The following RBFOX1 variants were observed in gnomAD, a reference collection of about 807,000 sequenced individuals.
The protein encoded by RBFOX1 is RNA binding fox-1 homolog 1, also known as RNA binding protein fox-1 homolog 1.
Under a neutral mutation model 57.7 loss-of-function variants are expected in RBFOX1, and 8 were observed. The observed-to-expected ratio is 0.14, with a 90% CI of 0.08 to 0.25. The LOEUF (loss-of-function observed/expected upper bound fraction) is 0.25, where lower values mean the gene tolerates loss of function less well. RBFOX1 is among the 10% of genes least tolerant of loss of function. The probability of loss-of-function intolerance (pLI) is 1.00; values close to 1 mark genes in which losing one functional copy is unlikely to be tolerated. For synonymous variants in RBFOX1, 326 were observed against 222.4 expected, an observed-to-expected ratio of 1.47 and a Z score of -4.15; for missense variants, 611 against 548.5, an observed-to-expected ratio of 1.11 and a Z score of -1.14.
chr16:6,668,369 G>T (rs543261397), intron 3 of RBFOX1, among the ~76,000 whole-genome samples: 7 of 152,350 alleles, frequency 4.6e-5, no homozygotes, highest in Non-Finnish European at 1.0e-4. Flanking sequence ...AGTTGTTTCT[G>T]TCACAGAATC....
chr16:7,118,786 G>C (rs574075646), intron 4 of RBFOX1, among the ~76,000 whole-genome samples: 101 of 152,188 alleles, frequency 6.6e-4, no homozygotes, highest in Non-Finnish European at 1.2e-3. Flanking sequence ...GTACACATAA[G>C]GACAGAATAG....
intron 1 of RBFOX1, among the ~76,000 whole-genome samples, chr16:5,302,498 T>A (rs2063830146): frequency 6.6e-6 from 1 of 152,220 alleles, no homozygotes. Flanking sequence ...CTACTAATTT[T>A]TTCTGGTTGC....
intron 2 of RBFOX1, among the ~76,000 whole-genome samples, chr16:6,367,853 C>G (rs2032271850): frequency 1.3e-5 from 2 of 152,168 alleles, no homozygotes; most frequent in African/African-American, 4.8e-5. Context: ...CTATCTTCCC[C>G]CAGTTAATGG....
intron 1 of RBFOX1, among the ~76,000 whole-genome samples, chr16:6,028,255 AGGAG>A (rs1223574366): frequency 6.6e-6 from 1 of 152,130 alleles, no homozygotes; most frequent in Non-Finnish European, 1.5e-5. Context: ...GGCTGATAAG[AGGAG>A]GGAGGGAGTG....
chr16:6,598,230 C>A (rs6500804), intron 2 of RBFOX1, among the ~76,000 whole-genome samples: 1 of 152,030 alleles, frequency 6.6e-6, no homozygotes, highest in South Asian at 2.1e-4. Context: ...TATATAGTTT[C>A]TAACTTGCCT....
At chr16:6,470,007 T>A (rs1386403479) in intron 2 of RBFOX1, among the ~76,000 whole-genome samples, 1 of 152,216 alleles carries the variant, frequency 6.6e-6, no homozygotes, top group East Asian at 1.9e-4. Flanking sequence ...TAATCCAGTG[T>A]CCTATTCAAA....
intron 2 of RBFOX1, among the ~76,000 whole-genome samples, chr16:5,561,645 G>T (rs1353897932): frequency 1.3e-5 from 2 of 152,058 alleles, no homozygotes; most frequent in Non-Finnish European, 1.5e-5. Context: ...TTTATATGAT[G>T]ATTATTATTA....
intron 3 of RBFOX1, among the ~76,000 whole-genome samples, chr16:5,647,727 G>A (rs2049099168): frequency 6.6e-6 from 1 of 152,202 alleles, no homozygotes; most frequent in Admixed American, 6.5e-5. Flanking sequence ...CAGGTTCAAG[G>A]CTGCATTCTT....
intron 4 of RBFOX1, among the ~76,000 whole-genome samples, chr16:7,299,719 A>C (rs2095985211): frequency 6.6e-6 from 1 of 152,216 alleles, no homozygotes; most frequent in African/African-American, 2.4e-5. Context: ...GAGACATTCT[A>C]GAGGCCAACA....
intron 4 of RBFOX1, among the ~76,000 whole-genome samples, chr16:7,338,892 C>T (rs1011058129): frequency 6.6e-6 from 1 of 152,156 alleles, no homozygotes; most frequent in Non-Finnish European, 1.5e-5. Flanking sequence ...GCGATTTTAT[C>T]TCCATGTTTG....
At chr16:5,983,766 C>T (rs990306448) in intron 4 of RBFOX1, among the ~76,000 whole-genome samples, 2 of 152,058 alleles carry the variant, frequency 1.3e-5, no homozygotes, top group African/African-American at 4.8e-5. Context: ...CATGAGTATT[C>T]TGAACAGTGA....
chr16:5,712,354 A>T lies in RBFOX1; in HGVS notation c.318+113393A>T, dbSNP rs537990420. 2.6e-5 allele frequency among the ~76,000 whole-genome samples: 4 copies of T among 152,334 alleles called. No individual in the cohort carries two copies. In the South Asian group the frequency reaches 8.3e-4, roughly 32 times the overall value. ...GGAGATTAGAAATATTATATTTATTATGTAGACAAGTGCTCTAAGGCTTAG... is the reference window on the plus strand; with the variant it reads ...GGAGATTAGAAATATTATATTTATTTTGTAGACAAGTGCTCTAAGGCTTAG... On this transcript the variant is annotated intron_variant, in intron 3 of 19. Transcript: ENST00000641259.
intron 11 of RBFOX1, among the ~76,000 whole-genome samples, chr16:7,633,887 C>A (rs540028527): frequency 1.3e-5 from 2 of 152,144 alleles, no homozygotes; most frequent in Non-Finnish European, 2.9e-5. Flanking sequence ...TGGCAACATT[C>A]ACTTAGGTTT....
At chr16:7,279,128 T>A (rs963608540) in intron 4 of RBFOX1, among the ~76,000 whole-genome samples, 2 of 149,044 alleles carry the variant, frequency 1.3e-5, no homozygotes, top group Non-Finnish European at 3.0e-5. Flanking sequence ...TTCCTTTTCT[T>A]TCTTTCTTTT....
chr16:5,989,880 A>ACACACACACACACACACACACCCC lies in RBFOX1; in HGVS notation c.351+122546_351+122547insACACACACACACACACACACCCCC, dbSNP rs33912010. On this transcript the variant is annotated intron_variant, in intron 4 of 19. Coordinates refer to the RBFOX1 transcript ENST00000641259. ...CACACACACACACACACACACACAC[A>ACACACACACACACACACACACCCC]CCACCCCTGTTTTATAATAGGAGTA... Among the ~76,000 whole-genome samples the ACACACACACACACACACACACCCC allele has an allele frequency of 6.3e-5, 8 of 127,210 alleles. No homozygotes were observed. In the South Asian group the frequency reaches 8.3e-4, roughly 13 times the overall value. 83.5% of individuals were successfully genotyped at this position (127,210 alleles called of 152,430 possible). A position where few individuals can be genotyped will look rare whatever the true frequency, so the allele number is the denominator to read the frequency against.
At chr16:5,770,095 C>A (rs1321287914) in intron 3 of RBFOX1, among the ~76,000 whole-genome samples, 1 of 152,118 alleles carries the variant, frequency 6.6e-6, no homozygotes, top group African/African-American at 2.4e-5. Context: ...TGGGTGATTA[C>A]GGGTTGTGGG....
intron 1 of RBFOX1, among the ~76,000 whole-genome samples, chr16:6,293,020 C>T (rs2077633176): frequency 6.6e-6 from 1 of 152,136 alleles, no homozygotes; most frequent in Non-Finnish European, 1.5e-5. Flanking sequence ...CATATCTTTC[C>T]CCCACCTGGA....
intron 4 of RBFOX1, among the ~76,000 whole-genome samples, chr16:7,218,022 G>T (rs1377729911): frequency 2.6e-5 from 4 of 151,250 alleles, no homozygotes; most frequent in African/African-American, 4.9e-5. Flanking sequence ...GTACGTGTGT[G>T]GGGTGTGTGC....
intron 4 of RBFOX1, among the ~76,000 whole-genome samples, chr16:7,347,192 A>G (rs770753721): frequency 1.1e-4 from 17 of 152,152 alleles, no homozygotes; most frequent in Non-Finnish European, 2.4e-4. Flanking sequence ...CTATCATCCT[A>G]CAATGCATAG....
Sources: allele counts gnomAD v4.1 joint callset (sites outside exome capture counted in the v4.1 genomes callset), GRCh38; gene constraint gnomAD v4.1.1; transcripts MANE v1.5; gene names NCBI Gene and HGNC (gene_info 2026-07-23, HGNC 2026-07-21).